SLC35A1: variants seen among roughly 807,000 people sequenced by gnomAD.
SLC35A1 encodes the protein CMP-sialic acid transporter.
SLC35A1 carries 21 observed loss-of-function variants against 40.3 expected under a neutral mutation model. That is an observed-to-expected ratio of 0.52 (90% CI 0.37 to 0.75). SLC35A1 has a LOEUF of 0.75. Among genes scored for constraint, SLC35A1 ranks in the 30% least tolerant of loss-of-function variants. SLC35A1 has a pLI of 0.00. For missense variants in SLC35A1, 297 were observed against 382.1 expected (o/e 0.78, Z 1.86); for synonymous variants, 146 against 147.3 (o/e 0.99, Z 0.06).
At chr6:87,489,535 C>CTTTTTTTT (rs36003216) in intron 2 of SLC35A1, among the ~76,000 whole-genome samples, 19 of 99,032 alleles carry the variant, frequency 1.9e-4, no homozygotes, top group Admixed American at 3.6e-4. Context: ...CAACTGTGAG[C>CTTTTTTTT]TTTTTTTTTT....
intron 2 of SLC35A1, among the ~76,000 whole-genome samples, chr6:87,495,097 G>A (rs902057767): frequency 7.9e-5 from 12 of 152,114 alleles, no homozygotes; most frequent in African/African-American, 2.9e-4. Flanking sequence ...AGCCTCCCCA[G>A]TAGCTGGGAT....
chr6:87,481,902 G>A (rs908839356), intron 2 of SLC35A1, among the ~76,000 whole-genome samples: 1 of 152,054 alleles, frequency 6.6e-6, no homozygotes, highest in South Asian at 2.1e-4. Context: ...TTGCTTAAAC[G>A]CTCAAAACAA....
chr6:87,482,641 C>G (rs187959317), intron 2 of SLC35A1, among the ~76,000 whole-genome samples: 19 of 152,288 alleles, frequency 1.2e-4, no homozygotes, highest in African/African-American at 3.9e-4. Flanking sequence ...AACCATCTAT[C>G]GTCCTGTCCT....
chr6:87,501,108 A>G (rs748133480), intron 3 of SLC35A1, 50 bp from the exon 4 acceptor site: 15 of 1,434,174 alleles, frequency 1.0e-5, no homozygotes, highest in South Asian at 2.3e-5. Context: ...ATATATTTGT[A>G]TCAGAGACTA....
At chr6:87,499,710 T>C (rs947319816) in intron 2 of SLC35A1, among the ~76,000 whole-genome samples, 57 of 152,336 alleles carry the variant, frequency 3.7e-4, no homozygotes, top group African/African-American at 1.3e-3. Flanking sequence ...CTACTATATT[T>C]CATAAGTACT....
intron 4 of SLC35A1, among the ~76,000 whole-genome samples, chr6:87,504,271 G>C (rs76185085): frequency 0.034 from 3,312 of 96,848 alleles, 110 homozygotes; most frequent in African/African-American, 0.11. Context: ...GTCTCAAAAA[G>C]AAAAAAAAAA....
chr6:87,478,999 G>T (rs1769169241), intron 2 of SLC35A1, among the ~76,000 whole-genome samples: 1 of 152,196 alleles, frequency 6.6e-6, no homozygotes, highest in South Asian at 2.1e-4. Flanking sequence ...TTTAAAGAGA[G>T]TGATGGGATG....
chr6:87,478,633 A>G (rs1316393799), intron 2 of SLC35A1, among the ~76,000 whole-genome samples: 1 of 152,244 alleles, frequency 6.6e-6, no homozygotes, highest in African/African-American at 2.4e-5. Context: ...AAGCATGGCT[A>G]TCATTTTGGG....
intron 2 of SLC35A1, among the ~76,000 whole-genome samples, chr6:87,493,447 C>T (rs1419216856): frequency 6.7e-6 from 1 of 148,444 alleles, no homozygotes; most frequent in Non-Finnish European, 1.5e-5. Context: ...TGCATAGACA[C>T]CTATCTAAAT....
At chr6:87,497,677 T>C (rs1769777473) in intron 2 of SLC35A1, among the ~76,000 whole-genome samples, 1 of 152,162 alleles carries the variant, frequency 6.6e-6, no homozygotes, top group African/African-American at 2.4e-5. Flanking sequence ...GCCCTGTTTT[T>C]TGGAGAGTCA....
At chr6:87,480,036 G>T (rs929293210) in intron 2 of SLC35A1, among the ~76,000 whole-genome samples, 1 of 152,224 alleles carries the variant, frequency 6.6e-6, no homozygotes, top group African/African-American at 2.4e-5. Flanking sequence ...TTGGCAGAGT[G>T]TCCAGTAAAG....
chr6:87,511,664 A>G lies in SLC35A1; in HGVS notation c.*138A>G. On this transcript the variant is annotated 3_prime_UTR_variant, in exon 8 of 8. Transcript: ENST00000369552. ...TCAGTGCGGTTATGTGGAAACAACA[A>G]CAAACAAACGAAGCTATCTGAGTGA... The G allele has an allele frequency of 2.1e-6, 2 of 941,018 alleles. No homozygotes were observed. Among genetic ancestry groups the G allele is most frequent in the South Asian group, 1.3e-5 (1 of 75,128 alleles). 58.3% of individuals were successfully genotyped at this position (941,018 alleles called of 1,614,324 possible). A position where few individuals can be genotyped will look rare whatever the true frequency, so the allele number is the denominator to read the frequency against.
chr6:87,499,895 C>G (rs897859080), intron 2 of SLC35A1, among the ~76,000 whole-genome samples: 11 of 152,276 alleles, frequency 7.2e-5, no homozygotes, highest in African/African-American at 2.6e-4. Context: ...GCGGGCAGAT[C>G]ACTTGAGGTC....
chr6:87,497,894 G>T (rs201874855), intron 2 of SLC35A1, among the ~76,000 whole-genome samples: 13,407 of 142,998 alleles, frequency 0.094, 635 homozygotes, highest in African/African-American at 0.13. Context: ...ACTCCTGGCA[G>T]TTTTTTTTTT....
intron 2 of SLC35A1, among the ~76,000 whole-genome samples, chr6:87,478,010 G>T (rs1482281685): frequency 6.6e-6 from 1 of 152,174 alleles, no homozygotes; most frequent in Non-Finnish European, 1.5e-5. Flanking sequence ...CATTTCTTGA[G>T]TGTTTCCTAT....
chr6:87,510,404 A>G (rs1024404482), intron 7 of SLC35A1, among the ~76,000 whole-genome samples: 2 of 152,204 alleles, frequency 1.3e-5, no homozygotes, highest in Non-Finnish European at 2.9e-5. Context: ...AGCATGTCTT[A>G]GCAATCTTTC....
intron 2 of SLC35A1, among the ~76,000 whole-genome samples, chr6:87,479,718 A>G (rs1420942655): frequency 6.6e-6 from 1 of 152,200 alleles, no homozygotes; most frequent in Non-Finnish European, 1.5e-5. Context: ...TTCCTTTAAC[A>G]GCATCTCTAG....
intron 5 of SLC35A1, among the ~76,000 whole-genome samples, chr6:87,507,545 A>C (rs915996928): frequency 2.6e-5 from 4 of 152,298 alleles, no homozygotes; most frequent in Admixed American, 2.0e-4. Context: ...GTAAAATCAG[A>C]GGTGAAAATA....
At chr6:87,510,676 A>C (rs1770233902) in intron 7 of SLC35A1, among the ~76,000 whole-genome samples, 1 of 152,034 alleles carries the variant, frequency 6.6e-6, no homozygotes, top group African/African-American at 2.4e-5. Flanking sequence ...GAGGTTGGGG[A>C]CCAGCCTGAC....
Sources: gnomAD v4.1 joint callset for allele counts (sites outside exome capture counted in the v4.1 genomes callset) on GRCh38, gnomAD v4.1.1 for gene constraint, MANE v1.5 for transcripts, NCBI Gene and HGNC (gene_info 2026-07-23, HGNC 2026-07-21) for gene names.